Variants in THAP12 observed in about 807,000 individuals in gnomAD.
THAP12 encodes 52 kDa repressor of the inhibitor of the protein kinase.
In THAP12, 20 loss-of-function variants were observed where a neutral mutation model predicts 63.0. The ratio of observed to expected loss-of-function variants is 0.32; its 90% CI spans 0.22 to 0.46. The LOEUF (loss-of-function observed/expected upper bound fraction) is 0.46. Ranked by LOEUF, THAP12 falls within the 20% of genes least tolerant of loss-of-function variation. THAP12 has a pLI of 1.00. For synonymous variants in THAP12, 264 were observed against 328.4 expected (o/e 0.80, Z 2.12); for missense variants, 568 against 908.2 (o/e 0.63, Z 4.81).
At chr11:76,367,313 TG>T (rs1183977079) in intron 1 of THAP12, among the ~76,000 whole-genome samples, 10 of 152,212 alleles carry the variant, frequency 6.6e-5, no homozygotes, top group Non-Finnish European at 8.8e-5. Flanking sequence ...CGACCTCAGG[TG>T]ATCTGCCCGC....
At chr11:76,367,655 G>A (rs192483622) in intron 1 of THAP12, among the ~76,000 whole-genome samples, 37 of 142,780 alleles carry the variant, frequency 2.6e-4, no homozygotes, top group Non-Finnish European at 4.3e-4. Flanking sequence ...ACTCCAGATC[G>A]CAGGTGATCT....
intron 1 of THAP12, among the ~76,000 whole-genome samples, chr11:76,376,719 T>C (rs1215186866): frequency 6.8e-6 from 1 of 147,010 alleles, no homozygotes; most frequent in Non-Finnish European, 1.5e-5. Context: ...TTGAGAAAAT[T>C]CCAGTATTTC....
Position 76,351,105 on chromosome 11 carries a change from T to C in THAP12, c.2045A>G (p.Lys682Arg). 1 of 1,611,810 alleles carries C rather than the reference T, an allele frequency of 6.2e-7. No individual in the cohort carries two copies. Among genetic ancestry groups the C allele is most frequent in the South Asian group, 1.1e-5 (1 of 90,924 alleles). Residue 682 changes from lysine to arginine, a missense_variant, in exon 5 of 5, where the codon AAG becomes AGG. Physicochemically the swap from Lys to Arg is conservative, Grantham distance 26 (BLOSUM62 2). Coordinates refer to ENST00000260045, the MANE Select transcript of THAP12 (RefSeq NM_004705.4). ...CATCACAGGAAGAATACACAGGACC[T>C]TCAGCAATGCATACACATTAGGAAA... ...KFFPNVYALL[K>R]VLCILPVMKV...
intron 3 of THAP12, 191 bp from the exon 4 acceptor site, chr11:76,355,845 G>T: frequency 2.2e-6 from 1 of 464,398 alleles, no homozygotes; most frequent in Non-Finnish European, 3.8e-6. Context: ...AGCTGTTAAT[G>T]ACTCCAAGGT....
At chr11:76,369,021 C>G (rs1044431557) in intron 1 of THAP12, among the ~76,000 whole-genome samples, 1 of 151,956 alleles carries the variant, frequency 6.6e-6, no homozygotes, top group Non-Finnish European at 1.5e-5. Context: ...GACTCACATT[C>G]AAAATATATA....
At chr11:76,357,851 TAA>T (rs1330087711) in intron 3 of THAP12, 2 of 152,058 alleles carry the variant, frequency 1.3e-5, no homozygotes, top group African/African-American at 4.8e-5. Flanking sequence ...AAAATGGACC[TAA>T]GAGAGACTTT....
intron 1 of THAP12, among the ~76,000 whole-genome samples, chr11:76,368,201 T>C (rs1198271276): frequency 6.6e-6 from 1 of 152,230 alleles, no homozygotes; most frequent in East Asian, 1.9e-4. Flanking sequence ...AAGAACAGAA[T>C]GGGCATCAGG....
chr11:76,356,388 CCTT>C (rs1189839731), intron 3 of THAP12: 1 of 152,250 alleles, frequency 6.6e-6, no homozygotes, highest in African/African-American at 2.4e-5. Flanking sequence ...GACATCCCCT[CCTT>C]ATCCTACGGA....
intron 1 of THAP12, among the ~76,000 whole-genome samples, chr11:76,379,718 T>C (rs999710145): frequency 6.6e-6 from 1 of 152,206 alleles, no homozygotes; most frequent in African/African-American, 2.4e-5. Context: ...CCACAGTATT[T>C]ATCATCATCC....
chr11:76,371,838 G>A (rs1946677125), intron 1 of THAP12, among the ~76,000 whole-genome samples: 2 of 111,514 alleles, frequency 1.8e-5, no homozygotes, highest in African/African-American at 3.5e-5. Flanking sequence ...TTTTGGTGGA[G>A]TCTTGCTCTT....
chr11:76,366,055 A>G, intron 1 of THAP12, 83 bp from the exon 2 acceptor site: 1 of 1,433,844 alleles, frequency 7.0e-7, no homozygotes, highest in Non-Finnish European at 9.5e-7. Flanking sequence ...AACATACATT[A>G]ATAACAACGG....
At chr11:76,353,540 G>A (rs1425914035) in intron 4 of THAP12, among the ~76,000 whole-genome samples, 1 of 152,212 alleles carries the variant, frequency 6.6e-6, no homozygotes, top group East Asian at 1.9e-4. Context: ...GGAGATTAAT[G>A]TAACTCTTAG....
At position 76,353,684 on chromosome 11, in the gene THAP12, G is replaced by A. The variant is rs138146077; in HGVS notation, c.356-890C>T. Among the ~76,000 whole-genome samples, 418 of 152,338 alleles carry A rather than the reference G, an allele frequency of 2.7e-3. 2 individuals are homozygous for A. Among genetic ancestry groups the A allele is most frequent in the Non-Finnish European group, 4.9e-3 (333 of 68,034 alleles). ...GTCTGCAGGAAAATAATCCAAATCT[G>A]AGGAGGCACAGTTAAAACCTAGTTC... On this transcript the variant is annotated intron_variant, in intron 4 of 4. Coordinates refer to ENST00000260045, the MANE Select transcript of THAP12 (RefSeq NM_004705.4).
intron 1 of THAP12, among the ~76,000 whole-genome samples, chr11:76,371,083 A>G (rs942235813): frequency 4.6e-5 from 7 of 152,046 alleles, no homozygotes; most frequent in East Asian, 3.9e-4. Flanking sequence ...CTCTCCATCA[A>G]TAACACCCTG....
chr11:76,366,830 A>G (rs1946634674), intron 1 of THAP12, among the ~76,000 whole-genome samples: 1 of 152,190 alleles, frequency 6.6e-6, no homozygotes, highest in African/African-American at 2.4e-5. Context: ...CCATGAATGC[A>G]GGGACTGTGA....
intron 4 of THAP12, among the ~76,000 whole-genome samples, chr11:76,354,985 AT>A (rs1946551254): frequency 6.6e-6 from 1 of 152,248 alleles, no homozygotes; most frequent in Admixed American, 6.5e-5. Flanking sequence ...TATTGTGAGA[AT>A]TAAATTAATT....
Position 76,365,736 on chromosome 11 carries a change from G to C in THAP12, c.210+116C>G, listed in dbSNP as rs536279230. On this transcript the variant is annotated intron_variant, in intron 2 of 4. Transcript: ENST00000260045. The stretch of plus-strand genomic sequence containing the variant: ...GCTCCAAATCTGTCTTCATCTTAAA[G>C]TGGCAGGATATAGGAATACCTTCCA... 355 of 1,263,576 alleles carry C rather than the reference G, an allele frequency of 2.8e-4. 2 individuals are homozygous for C. The South Asian group carries it at 3.8e-3, about 13-fold the overall frequency. 78.3% of individuals were successfully genotyped at this position (1,263,576 alleles called of 1,614,324 possible). A position where few individuals can be genotyped will look rare whatever the true frequency, so the allele number is the denominator to read the frequency against.
chr11:76,351,112 A>T lies in THAP12; in HGVS notation c.2038T>A (p.Leu680Met). Reference protein sequence around the residue: ...DIKFFPNVYALLKVLCILPVM... With the variant: ...DIKFFPNVYAMLKVLCILPVM... ...GGAAGAATACACAGGACCTTCAGCAATGCATACACATTAGGAAAAAACTTG... is the reference window on the plus strand; with the variant it reads ...GGAAGAATACACAGGACCTTCAGCATTGCATACACATTAGGAAAAAACTTG... The change falls in exon 5 of 5, where the codon TTG (leucine) becomes ATG (methionine). Residue 680 changes from leucine (L) to methionine (M), a missense_variant. By Grantham distance (15) the Leu-to-Met change is conservative. Coordinates refer to ENST00000260045, the MANE Select transcript of THAP12 (RefSeq NM_004705.4). The T allele has an allele frequency of 6.2e-7, 1 of 1,611,300 alleles. No homozygotes were observed. The highest frequency in any genetic ancestry group is 8.5e-7 in the Non-Finnish European group (1 of 1,179,646).
chr11:76,356,712 G>A (rs1946563663), intron 3 of THAP12: 1 of 152,138 alleles, frequency 6.6e-6, no homozygotes, highest in Non-Finnish European at 1.5e-5. Context: ...ACACATAAAT[G>A]TATTAAGTAT....
Sources: allele counts gnomAD v4.1 joint callset (sites outside exome capture counted in the v4.1 genomes callset), GRCh38; gene constraint gnomAD v4.1.1; transcripts MANE v1.5; gene names NCBI Gene and HGNC (gene_info 2026-07-23, HGNC 2026-07-21).